Variants in POLR1D observed in about 807,000 individuals in gnomAD.
POLR1D encodes the protein RNA polymerase I and III subunit D.
In POLR1D, 8 loss-of-function variants were observed where a neutral mutation model predicts 10.8. The observed-to-expected ratio is 0.74, with a 90% CI of 0.43 to 1.33. The LOEUF (loss-of-function observed/expected upper bound fraction) is 1.33, where lower values mean the gene tolerates loss of function less well. POLR1D is among the 40% of genes most tolerant of loss of function. The probability of loss-of-function intolerance (pLI) is 0.01; values close to 1 mark genes in which losing one functional copy is unlikely to be tolerated. For synonymous variants in POLR1D, 54 were observed against 57.2 expected, an observed-to-expected ratio of 0.94 and a Z score of 0.25; for missense variants, 152 against 161.7, an observed-to-expected ratio of 0.94 and a Z score of 0.32.
intron 2 of POLR1D, among the ~76,000 whole-genome samples, chr13:27,656,430 TAGCAGAGCTAGGCTCTGCTA>T (rs1566152139): frequency 6.6e-6 from 1 of 152,240 alleles, no homozygotes; most frequent in Non-Finnish European, 1.5e-5. Flanking sequence ...ATTGAGTACT[TAGCAGAGCTAGGCTCTGCTA>T]TTTTGACACT....
chr13:27,664,051 G>A (rs1271284029), intron 2 of POLR1D, among the ~76,000 whole-genome samples: 1 of 152,156 alleles, frequency 6.6e-6, no homozygotes, highest in East Asian at 1.9e-4. Context: ...TGCTGAGTTT[G>A]CAACTGCAGT....
chr13:27,647,275 A>G (rs1956229155), intron 1 of POLR1D, among the ~76,000 whole-genome samples: 1 of 152,216 alleles, frequency 6.6e-6, no homozygotes. Flanking sequence ...AATTACACAA[A>G]TAATACATGT....
At chr13:27,656,011 C>G (rs1002453391) in intron 2 of POLR1D, among the ~76,000 whole-genome samples, 1 of 143,964 alleles carries the variant, frequency 6.9e-6, no homozygotes, top group Admixed American at 6.8e-5. Flanking sequence ...ATCTGTAATA[C>G]TGAAAATTAA....
intron 1 of POLR1D, among the ~76,000 whole-genome samples, chr13:27,631,451 C>T (rs1437557177): frequency 6.6e-6 from 1 of 152,174 alleles, no homozygotes; most frequent in Non-Finnish European, 1.5e-5. Context: ...GTCCAGCCCA[C>T]ACTTGAGAGC....
chr13:27,656,612 C>T lies in POLR1D; in HGVS notation c.101+8159C>T, dbSNP rs140093717. On this transcript the variant is annotated intron_variant, in intron 2 of 2. Transcript: ENST00000399697. The stretch of plus-strand genomic sequence containing the variant: ...GGCAGAAATGAAAGAGGCAGTAATC[C>T]AGTGGAGATGAAGGGATGTGGAAAG... Among the ~76,000 whole-genome samples, 983 of 152,164 alleles carry T rather than the reference C, an allele frequency of 6.5e-3. 7 individuals carry two copies. The highest frequency in any genetic ancestry group is 0.023 in the African/African-American group (940 of 41,504).
chr13:27,662,674 C>T (rs986555680), intron 2 of POLR1D, among the ~76,000 whole-genome samples: 1 of 152,102 alleles, frequency 6.6e-6, no homozygotes, highest in Non-Finnish European at 1.5e-5. Flanking sequence ...AAGGTAGATA[C>T]GTCTGTTATT....
intron 2 of POLR1D, chr13:27,649,917 C>G (rs1365381288): frequency 1.3e-5 from 5 of 395,746 alleles, no homozygotes; most frequent in Non-Finnish European, 2.2e-5. Context: ...GTCCCCAAGA[C>G]TATCCTTACT....
chr13:27,653,945 A>G (rs950734215), intron 2 of POLR1D, among the ~76,000 whole-genome samples: 2 of 152,340 alleles, frequency 1.3e-5, no homozygotes, highest in South Asian at 2.1e-4. Flanking sequence ...AAGGAAATAC[A>G]TATCAGAAAG....
intron 2 of POLR1D, among the ~76,000 whole-genome samples, chr13:27,661,471 GC>G (rs1345761361): frequency 6.6e-6 from 1 of 152,180 alleles, no homozygotes; most frequent in Non-Finnish European, 1.5e-5. Flanking sequence ...GAAATCAGCT[GC>G]CCTGTCCTGT....
At position 27,621,929 on chromosome 13, in the gene POLR1D, G is replaced by T. The variant is rs1270060624; in HGVS notation, c.-55G>T. The T allele has an allele frequency of 3.8e-6, 6 of 1,562,358 alleles. No individual in the cohort carries two copies. The highest frequency in any genetic ancestry group is 5.2e-6 in the Non-Finnish European group (6 of 1,149,862). On this transcript the variant is annotated 5_prime_UTR_variant, in exon 1 of 2. An upstream open reading frame in the 5' UTR gains an earlier in-frame stop. Coordinates refer to ENST00000302979, the MANE Select transcript of POLR1D (RefSeq NM_015972.4). ...CTTCGCCTCCGCGCCTCGCGCTATG[G>T]GACAGAGCCCCCGATCCGCCAGCAC...
At chr13:27,640,708 T>G (rs1025365896) in intron 1 of POLR1D, among the ~76,000 whole-genome samples, 4 of 152,208 alleles carry the variant, frequency 2.6e-5, no homozygotes, top group Admixed American at 2.0e-4. Flanking sequence ...TGACACTGAT[T>G]CATAGATCAT....
intron 2 of POLR1D, chr13:27,665,573 G>GA: frequency 1.0e-6 from 1 of 983,166 alleles, no homozygotes; most frequent in Non-Finnish European, 1.6e-6. Flanking sequence ...AACAAATTCA[G>GA]AAACTCGATT....
At chr13:27,627,883 C>CA (rs3081352), downstream of POLR1D, among the ~76,000 whole-genome samples, 11 of 150,434 alleles carry the variant, frequency 7.3e-5, no homozygotes, top group African/African-American at 2.0e-4. Context: ...AGGATGGATA[C>CA]AAAAAAAAAA....
downstream of POLR1D, among the ~76,000 whole-genome samples, chr13:27,625,568 A>G (rs911154349): frequency 1.3e-5 from 2 of 152,112 alleles, no homozygotes; most frequent in Non-Finnish European, 2.9e-5. Context: ...GAACATTGTA[A>G]GCAGTGGCTA....
intron 2 of POLR1D, among the ~76,000 whole-genome samples, chr13:27,655,931 AG>A (rs1348354973): frequency 6.6e-6 from 1 of 152,208 alleles, no homozygotes; most frequent in Non-Finnish European, 1.5e-5. Context: ...GTGTGGAAAA[AG>A]GTCATTGTTC....
intron 1 of POLR1D, among the ~76,000 whole-genome samples, chr13:27,629,946 C>G (rs1566143530): frequency 1.3e-5 from 2 of 152,130 alleles, no homozygotes; most frequent in African/African-American, 4.8e-5. Context: ...GAGTCTCACT[C>G]TGTTGCCCAG....
chr13:27,628,336 G>A (rs375412206), downstream of POLR1D, among the ~76,000 whole-genome samples: 17 of 152,276 alleles, frequency 1.1e-4, no homozygotes, highest in South Asian at 2.3e-3. Context: ...GCCAGGATAC[G>A]GCAGTGAACA....
At chr13:27,631,235 A>G (rs1425549761) in intron 1 of POLR1D, among the ~76,000 whole-genome samples, 1 of 152,088 alleles carries the variant, frequency 6.6e-6, no homozygotes, top group Non-Finnish European at 1.5e-5. Context: ...TCCAGGCTGC[A>G]CTCTTGAGGA....
At chr13:27,641,767 G>T (rs1956175321) in intron 1 of POLR1D, among the ~76,000 whole-genome samples, 1 of 152,180 alleles carries the variant, frequency 6.6e-6, no homozygotes, top group South Asian at 2.1e-4. Context: ...TTGGTGGAGA[G>T]GTAATGTGAG....
Sources: gnomAD v4.1 joint callset for allele counts (sites outside exome capture counted in the v4.1 genomes callset) on GRCh38, gnomAD v4.1.1 for gene constraint, MANE v1.5 for transcripts, NCBI Gene and HGNC (gene_info 2026-07-23, HGNC 2026-07-21) for gene names.